Variants in POU2F1 observed in about 807,000 individuals in gnomAD.
POU2F1 encodes POU domain, class 2, transcription factor 1.
POU2F1 carries 16 observed loss-of-function variants against 84.9 expected under a neutral mutation model. That is an observed-to-expected ratio of 0.19 (90% CI 0.13 to 0.29). The LOEUF (loss-of-function observed/expected upper bound fraction) is 0.29. Ranked by LOEUF, POU2F1 falls within the 10% of genes least tolerant of loss-of-function variation. The probability of loss-of-function intolerance (pLI) is 1.00; values close to 1 mark genes in which losing one functional copy is unlikely to be tolerated. For synonymous variants in POU2F1, 368 were observed against 368.3 expected (o/e 1.00, Z 0.01); for missense variants, 738 against 942.6 (o/e 0.78, Z 2.84).
intron 1 of POU2F1, among the ~76,000 whole-genome samples, chr1:167,243,203 C>G (rs1650045032): frequency 6.6e-6 from 1 of 152,130 alleles, no homozygotes; most frequent in Non-Finnish European, 1.5e-5. Context: ...AATAACTGAC[C>G]AGTAGCTTGA....
At chr1:167,287,435 A>G (rs986292284) in intron 1 of POU2F1, among the ~76,000 whole-genome samples, 1 of 152,248 alleles carries the variant, frequency 6.6e-6, no homozygotes, top group African/African-American at 2.4e-5. Context: ...CCTGTAACCC[A>G]AAATGACAGA....
chr1:167,227,589 G>T (rs1335404707), intron 1 of POU2F1, among the ~76,000 whole-genome samples: 1 of 151,828 alleles, frequency 6.6e-6, no homozygotes, highest in Admixed American at 6.6e-5. Flanking sequence ...AGCCTTTTTT[G>T]GCTGATTCAT....
At chr1:167,278,775 A>AT (rs1433590815) in intron 1 of POU2F1, among the ~76,000 whole-genome samples, 1 of 143,010 alleles carries the variant, frequency 7.0e-6, no homozygotes, top group East Asian at 2.1e-4. Context: ...GCAAACTTTA[A>AT]TTGGCTATCC....
intron 1 of POU2F1, among the ~76,000 whole-genome samples, chr1:167,324,569 C>T (rs1382829729): frequency 6.6e-6 from 1 of 152,172 alleles, no homozygotes; most frequent in Non-Finnish European, 1.5e-5. Context: ...CAACCAACTA[C>T]TGATCTCAGT....
intron 1 of POU2F1, among the ~76,000 whole-genome samples, chr1:167,301,160 A>T (rs1654674477): frequency 6.6e-6 from 1 of 150,724 alleles, no homozygotes; most frequent in Non-Finnish European, 1.5e-5. Context: ...TACTGTTTAG[A>T]TTAGACTTTA....
At chr1:167,387,517 G>T (rs531813103) in intron 8 of POU2F1, among the ~76,000 whole-genome samples, 1 of 152,360 alleles carries the variant, frequency 6.6e-6, no homozygotes, top group South Asian at 2.1e-4. Context: ...CTTAACTCCA[G>T]TTGTCGCCTG....
intron 2 of POU2F1, among the ~76,000 whole-genome samples, chr1:167,354,899 T>C (rs548303097): frequency 9.2e-5 from 14 of 152,328 alleles, no homozygotes; most frequent in Admixed American, 7.8e-4. Flanking sequence ...TATTGACTCA[T>C]AGGAGTTCTT....
intron 1 of POU2F1, among the ~76,000 whole-genome samples, chr1:167,238,943 C>T (rs995465274): frequency 1.3e-5 from 2 of 152,134 alleles, no homozygotes; most frequent in Non-Finnish European, 2.9e-5. Flanking sequence ...GTGCAGGGCA[C>T]ATCCTGAAAA....
At chr1:167,262,054 T>C (rs550790081) in intron 1 of POU2F1, among the ~76,000 whole-genome samples, 2 of 152,354 alleles carry the variant, frequency 1.3e-5, no homozygotes, top group South Asian at 2.1e-4. Flanking sequence ...TACCTAAGAA[T>C]AGAACCTTAG....
chr1:167,360,416 T>C (rs1008304294), intron 2 of POU2F1, among the ~76,000 whole-genome samples: 1 of 152,190 alleles, frequency 6.6e-6, no homozygotes, highest in African/African-American at 2.4e-5. Context: ...CTTCTGCATA[T>C]GGTCAGCCAG....
intron 2 of POU2F1, among the ~76,000 whole-genome samples, chr1:167,337,089 G>T (rs1290209900): frequency 6.6e-6 from 1 of 151,998 alleles, no homozygotes; most frequent in Non-Finnish European, 1.5e-5. Flanking sequence ...CTTGACCTCA[G>T]GAGGTGGAGG....
chr1:167,274,329 A>G (rs1240406972), intron 1 of POU2F1, among the ~76,000 whole-genome samples: 2 of 152,230 alleles, frequency 1.3e-5, no homozygotes, highest in African/African-American at 4.8e-5. Flanking sequence ...GCCTGAGTAG[A>G]GAATGAAACT....
intron 1 of POU2F1, among the ~76,000 whole-genome samples, chr1:167,314,283 A>G (rs1363489497): frequency 3.9e-5 from 6 of 152,170 alleles, no homozygotes; most frequent in African/African-American, 1.2e-4. Flanking sequence ...AGCACATAAA[A>G]GGGTGTTCAG....
chr1:167,260,534 A>G (rs920270408), intron 1 of POU2F1, among the ~76,000 whole-genome samples: 2 of 152,046 alleles, frequency 1.3e-5, no homozygotes, highest in African/African-American at 2.4e-5. Context: ...ATTTTTGTGT[A>G]TGGTATGAGA....
rs570463127 is a variant in POU2F1, at chr1:167,407,133, C to G, written c.1556-4826C>G. 1.3e-3 allele frequency among the ~76,000 whole-genome samples: 200 copies of G among 152,190 alleles called. 1 individual carries two copies. Among genetic ancestry groups the G allele is most frequent in the African/African-American group, 4.5e-3 (188 of 41,536 alleles). The stretch of plus-strand genomic sequence containing the variant: ...GCAGCCTCAACTTCCCAGGCTCAAG[C>G]AGTCCTCCCACTTCAGCCTCCCCGG... On this transcript the variant is annotated intron_variant, in intron 13 of 15. Transcript: ENST00000367866.
intron 1 of POU2F1, among the ~76,000 whole-genome samples, chr1:167,305,578 T>G (rs776729252): frequency 6.6e-6 from 1 of 152,138 alleles, no homozygotes; most frequent in Non-Finnish European, 1.5e-5. Flanking sequence ...GGAGATCTTA[T>G]AGCGAATAAT....
At chr1:167,387,392 C>T (rs1256833699) in intron 8 of POU2F1, 1 of 350,528 alleles carries the variant, frequency 2.9e-6, no homozygotes, top group Non-Finnish European at 5.7e-6. Flanking sequence ...TAGGGGTCTG[C>T]TATGGTTGGT....
At chr1:167,364,028 T>C (rs925662807) in intron 2 of POU2F1, among the ~76,000 whole-genome samples, 1 of 152,200 alleles carries the variant, frequency 6.6e-6, no homozygotes, top group Non-Finnish European at 1.5e-5. Flanking sequence ...GAAATGGAAG[T>C]GTAGAACCAT....
At chr1:167,387,097 G>A (rs1254554120) in intron 8 of POU2F1, 1 of 447,628 alleles carries the variant, frequency 2.2e-6, no homozygotes, top group East Asian at 7.0e-5. Flanking sequence ...CTTCTTCCTG[G>A]CCTCCGTTCT....
Sources: gnomAD v4.1 joint callset for allele counts (sites outside exome capture counted in the v4.1 genomes callset) on GRCh38, gnomAD v4.1.1 for gene constraint, MANE v1.5 for transcripts, NCBI Gene and HGNC (gene_info 2026-07-23, HGNC 2026-07-21) for gene names.